The following FRMD1 variants were observed in gnomAD, a reference collection of about 807,000 sequenced individuals.
FRMD1 encodes FERM domain containing 1.
FRMD1 carries 51 observed loss-of-function variants against 54.9 expected under a neutral mutation model. That is an observed-to-expected ratio of 0.93 (90% CI 0.74 to 1.17). The LOEUF is 1.17. FRMD1 is among the 50% of genes most tolerant of loss of function. The pLI, the probability that FRMD1 is intolerant of heterozygous loss-of-function variation, is 0.00. For synonymous variants in FRMD1, 324 were observed against 306.4 expected (o/e 1.06, Z -0.60); for missense variants, 729 against 743.0 (o/e 0.98, Z 0.22).
At position 168,063,722 on chromosome 6, in the gene FRMD1, C is replaced by T. The variant is rs73028318; in HGVS notation, c.683G>A (p.Arg228Gln). Reference sequence around the variant, plus strand: ...CTCACGGTGCAGGGTAGGCATGTGCCGGAGGATGTAGTCAATCCCCCTCTT... The same window carrying T: ...CTCACGGTGCAGGGTAGGCATGTGCTGGAGGATGTAGTCAATCCCCCTCTT... ...ITKRGIDYILRHMPTLHRERQ... is the reference protein window; with the variant it reads ...ITKRGIDYILQHMPTLHRERQ... Residue 228 changes from arginine to glutamine, a missense_variant, in exon 6 of 11, where the codon CGG becomes CAG. Transcript: ENST00000283309. 9.4e-3 allele frequency: 15,182 copies of T among 1,613,410 alleles called. 102 individuals are homozygous for T. The highest frequency in any genetic ancestry group is 0.015 in the South Asian group (1,351 of 91,024).
At chr6:168,066,565 T>C in intron 4 of FRMD1, 190 bp downstream of exon 4, 1 of 1,402,650 alleles carries the variant, frequency 7.1e-7, no homozygotes, top group East Asian at 2.7e-5. Context: ...TGACACAGTC[T>C]GTATACCTTT....
chr6:168,059,849 C>A lies in FRMD1; in HGVS notation c.1343-661G>T, dbSNP rs2114953796. ...AATGGGCAGGGTGCATCCCTCAGGACAAGGTGCTGCGTCCTGGGCCAGGTG... is the reference window on the plus strand; with the variant it reads ...AATGGGCAGGGTGCATCCCTCAGGAAAAGGTGCTGCGTCCTGGGCCAGGTG... On this transcript the variant is annotated intron_variant, in intron 9 of 10. Coordinates refer to ENST00000283309, the MANE Select transcript of FRMD1 (RefSeq NM_024919.6). This position sits in a 1 kb window ranked among gnomAD's most constrained non-coding sequence, Gnocchi z 4.4. Among the ~76,000 whole-genome samples, 1 of 152,216 alleles carries A rather than the reference C, an allele frequency of 6.6e-6. No homozygotes were observed. The highest frequency in any genetic ancestry group is 1.5e-5 in the Non-Finnish European group (1 of 68,006).
In FRMD1 at chr6:168,088,236, G is replaced by A. The variant is rs1352042506; in HGVS notation, c.-11-9212C>T. On this transcript the variant is annotated intron_variant, in intron 1 of 12. Transcript: ENST00000644440. ...CTCAGGGTGGGGACTATGTGAGCCCGAAGACTGCAGCCACCACCCTCCCGC... is the reference window on the plus strand; with the variant it reads ...CTCAGGGTGGGGACTATGTGAGCCCAAAGACTGCAGCCACCACCCTCCCGC... Among the ~76,000 whole-genome samples, 12 of 152,204 alleles carry A rather than the reference G, an allele frequency of 7.9e-5. No individual in the cohort carries two copies. The East Asian group carries it at 9.6e-4, about 12-fold the overall frequency.
chr6:168,065,362 G>T, intron 4 of FRMD1: 1 of 1,177,950 alleles, frequency 8.5e-7, no homozygotes, highest in Non-Finnish European at 1.1e-6. Context: ...CCCCAGTGCA[G>T]GAGAGGTGCA....
intron 1 of FRMD1, chr6:168,075,964 T>C: frequency 3.0e-6 from 3 of 984,882 alleles, no homozygotes; most frequent in East Asian, 5.7e-5. Flanking sequence ...CGGTGTCCCG[T>C]GTCCGCATTT....
Position 168,065,414 on chromosome 6 carries a change from T to C in FRMD1, c.462-357A>G, listed in dbSNP as rs567281970. 94 of 1,038,784 alleles carry C rather than the reference T, an allele frequency of 9.0e-5. No homozygotes were observed. In the African/African-American group the frequency reaches 1.5e-3, roughly 17 times the overall value. The allele number at this position is 1,038,784 out of a possible 1,614,324, so 64.3% of individuals were successfully genotyped here. A position where few individuals can be genotyped will look rare whatever the true frequency, so the allele number is the denominator to read the frequency against. On this transcript the variant is annotated intron_variant, in intron 4 of 10. Coordinates refer to ENST00000283309, the MANE Select transcript of FRMD1 (RefSeq NM_024919.6). ...CGAATCCCTGGAGGTGCACAGGGCCTGGACAACTTGAATCCCTGGATGTGG... is the reference window on the plus strand; with the variant it reads ...CGAATCCCTGGAGGTGCACAGGGCCCGGACAACTTGAATCCCTGGATGTGG...
At chr6:168,078,229 AG>A (rs1361116316) in intron 1 of FRMD1, among the ~76,000 whole-genome samples, 9 of 152,166 alleles carry the variant, frequency 5.9e-5, no homozygotes, top group Middle Eastern at 3.2e-3. Context: ...AATGGGGGAA[AG>A]GGAAAAGAAA....
At chr6:168,081,998 C>T (rs114329306), upstream of FRMD1, 380 of 154,532 alleles carry the variant, frequency 2.5e-3, 1 homozygote, top group African/African-American at 8.1e-3. Flanking sequence ...GGAAGTGCAC[C>T]TGTGCGCCAT....
upstream of FRMD1, among the ~76,000 whole-genome samples, chr6:168,082,026 C>T (rs1348854069): frequency 6.6e-6 from 1 of 152,234 alleles, no homozygotes; most frequent in Admixed American, 6.5e-5. Flanking sequence ...CCCATTCCAC[C>T]ATGTGGGCGT....
intron 5 of FRMD1, among the ~76,000 whole-genome samples, chr6:168,064,004 C>T (rs1799896602): frequency 6.6e-6 from 1 of 152,244 alleles, no homozygotes; most frequent in South Asian, 2.1e-4. Context: ...GCCAGCCCTC[C>T]TCAGACGTCT....
In FRMD1 at chr6:168,075,689, G is replaced by C. The variant is rs545828055; in HGVS notation, c.214-354C>G. The C allele has an allele frequency of 1.1e-5, 15 of 1,420,616 alleles. No individual in the cohort carries two copies. In the South Asian group the frequency reaches 1.8e-4, roughly 17 times the overall value. 88.0% of individuals were successfully genotyped at this position (1,420,616 alleles called of 1,614,324 possible). Reference sequence around the variant, plus strand: ...CGCCCTCTGGGCTCTGTCCTCGCACGGCACAAATGAATGCTTGGTTCCCCA... The same window carrying C: ...CGCCCTCTGGGCTCTGTCCTCGCACCGCACAAATGAATGCTTGGTTCCCCA... On this transcript the variant is annotated intron_variant, in intron 1 of 10. Coordinates refer to ENST00000283309, the MANE Select transcript of FRMD1 (RefSeq NM_024919.6).
At chr6:168,075,640 A>G (rs1800553059) in intron 1 of FRMD1, 1 of 920,078 alleles carries the variant, frequency 1.1e-6, no homozygotes, top group Non-Finnish European at 1.7e-6. Flanking sequence ...TCAGGGACAC[A>G]CGATGCAGCG....
chr6:168,061,866 T>C lies in FRMD1; in HGVS notation c.986A>G (p.Gln329Arg), dbSNP rs1302121434. Residue 329 changes from glutamine (Q) to arginine (R), a missense_variant, in exon 8 of 11, where the codon CAG (glutamine) becomes CGG (arginine). Physicochemically the swap from Gln to Arg is conservative, Grantham distance 43 (BLOSUM62 1). Transcript: ENST00000283309. ...AGTGGGCCGCACGCGGAGGTGGAGC[T>C]GGTGGCTGGCGCGCAGCAGGTGCAG... ...HLLHLLRASHQLHLRVRPTLQ... is the reference protein window; with the variant it reads ...HLLHLLRASHRLHLRVRPTLQ... 1 of 1,583,548 alleles carries C rather than the reference T, an allele frequency of 6.3e-7. No individual in the cohort carries two copies. Among genetic ancestry groups the C allele is most frequent in the East Asian group, 2.3e-5 (1 of 43,216 alleles).
intron 1 of FRMD1, among the ~76,000 whole-genome samples, chr6:168,088,035 C>A (rs185476605): frequency 6.6e-6 from 1 of 152,138 alleles, no homozygotes; most frequent in East Asian, 1.9e-4. Flanking sequence ...TGGGACCCTG[C>A]CCCGAAAAGG....
rs1467462389 is a variant in FRMD1, at chr6:168,059,077, G to A, written c.1407+47C>T. 4 of 1,446,536 alleles carry A rather than the reference G, an allele frequency of 2.8e-6. No homozygotes were observed. In the Middle Eastern group the frequency reaches 6.0e-4, roughly 216 times the overall value. The allele number at this position is 1,446,536 out of a possible 1,614,324, so 89.6% of individuals were successfully genotyped here. ...CCTGACAGGGGACCTAGGAGAAGGGGGTGGAGGAGCAGGGCCAGGGCTTCT... is the reference window on the plus strand; with the variant it reads ...CCTGACAGGGGACCTAGGAGAAGGGAGTGGAGGAGCAGGGCCAGGGCTTCT... On this transcript the variant is annotated intron_variant, in intron 10 of 10. Coordinates refer to ENST00000283309, the MANE Select transcript of FRMD1 (RefSeq NM_024919.6). This position sits in a 1 kb window ranked among gnomAD's most constrained non-coding sequence, Gnocchi z 4.4.
chr6:168,084,863 G>T (rs1322946531), upstream of FRMD1, among the ~76,000 whole-genome samples: 2 of 152,182 alleles, frequency 1.3e-5, no homozygotes, highest in South Asian at 2.1e-4. Context: ...AGAGAGCAAG[G>T]CCTGCCCCAA....
chr6:168,061,058 C>T lies in FRMD1; in HGVS notation c.1046-1G>A. The stretch of plus-strand genomic sequence containing the variant: ...TAGGACTCCCGGTAGTGCTGCTTCT[C>T]TGTGGGGAGTGGGGAGCACAGTGAG... On this transcript the variant is annotated splice_acceptor_variant, in intron 8 of 10. Coordinates refer to ENST00000283309, the MANE Select transcript of FRMD1 (RefSeq NM_024919.6). LOFTEE classifies it high-confidence loss of function. 1.2e-6 allele frequency: 2 copies of T among 1,605,664 alleles called. No individual in the cohort carries two copies. The highest frequency in any genetic ancestry group is 1.7e-6 in the Non-Finnish European group (2 of 1,174,588).
At chr6:168,086,474 C>G (rs1440487801), upstream of FRMD1, among the ~76,000 whole-genome samples, 1 of 151,388 alleles carries the variant, frequency 6.6e-6, no homozygotes, top group African/African-American at 2.4e-5. Flanking sequence ...AGCATGGACA[C>G]CCACATTTTC....
chr6:168,060,737 C>G, intron 9 of FRMD1, 24 bp downstream of exon 9: 1 of 1,594,060 alleles, frequency 6.3e-7, no homozygotes, highest in Non-Finnish European at 8.6e-7. Context: ...GTCCCTGAGG[C>G]CTGGGCATCT....
Sources: allele counts gnomAD v4.1 joint callset (sites outside exome capture counted in the v4.1 genomes callset), GRCh38; gene constraint gnomAD v4.1.1; non-coding constraint Gnocchi (gnomAD v3.1); transcripts MANE v1.5; gene names NCBI Gene and HGNC (gene_info 2026-07-23, HGNC 2026-07-21).